Variants in MTHFD1L observed in about 807,000 individuals in gnomAD.
MTHFD1L encodes methylenetetrahydrofolate dehydrogenase (NADP+ dependent) 1 like, also known as monofunctional C1-tetrahydrofolate synthase, mitochondrial.
In MTHFD1L, 81 loss-of-function variants were observed where a neutral mutation model predicts 119.5. That is an observed-to-expected ratio of 0.68 (90% CI 0.57 to 0.82). MTHFD1L has a LOEUF of 0.82. MTHFD1L is among the 40% of genes least tolerant of loss of function. MTHFD1L has a pLI of 0.00. For missense variants in MTHFD1L, 1,125 were observed against 1,253.4 expected (o/e 0.90, Z 1.55); for synonymous variants, 430 against 475.2 (o/e 0.90, Z 1.24).
At chr6:151,030,351 A>T (rs1348634599) in intron 24 of MTHFD1L, among the ~76,000 whole-genome samples, 1 of 152,216 alleles carries the variant, frequency 6.6e-6, no homozygotes, top group African/African-American at 2.4e-5. Flanking sequence ...CAACAGGAAC[A>T]TTGCCTGCTT....
At chr6:150,889,117 C>T (rs1355966336) in intron 7 of MTHFD1L, among the ~76,000 whole-genome samples, 1 of 151,490 alleles carries the variant, frequency 6.6e-6, no homozygotes, top group Non-Finnish European at 1.5e-5. Context: ...GCAGGGGTTG[C>T]AGTGAGCCGC....
intron 26 of MTHFD1L, among the ~76,000 whole-genome samples, chr6:151,085,973 T>A (rs1238079203): frequency 6.6e-6 from 1 of 152,072 alleles, no homozygotes; most frequent in African/African-American, 2.4e-5. Flanking sequence ...GTCCTTGTAG[T>A]AAGCTCTTAG....
At position 150,877,810 on chromosome 6, in the gene MTHFD1L, A is replaced by T. The variant is rs775229331; in HGVS notation, c.401A>T (p.Asp134Val). 1.9e-6 allele frequency: 3 copies of T among 1,614,102 alleles called. No homozygotes were observed. Among genetic ancestry groups the T allele is most frequent in the Admixed American group, 1.7e-5 (1 of 60,000 alleles). The change falls in exon 4 of 28, where the codon GAT (aspartate) becomes GTT (valine). Residue 134 changes from aspartate to valine, a missense_variant. Physicochemically the swap from Asp to Val is radical, Grantham distance 152 (BLOSUM62 -3). Transcript: ENST00000367321. ...ATCACTCACATTTGCCTCCCTCCAG[A>T]TAGCAGTGAAGCCGAGGTAATAATG... Reference protein sequence around the residue: ...LNITHICLPPDSSEAEIIDEI... With the variant: ...LNITHICLPPVSSEAEIIDEI...
At chr6:150,939,525 C>T (rs1168461063) in intron 13 of MTHFD1L, among the ~76,000 whole-genome samples, 1 of 152,026 alleles carries the variant, frequency 6.6e-6, no homozygotes, top group Non-Finnish European at 1.5e-5. Flanking sequence ...TCTTCCAAAA[C>T]CCAAATCTGA....
intron 1 of MTHFD1L, among the ~76,000 whole-genome samples, chr6:150,875,028 G>A (rs565168300): frequency 2.0e-5 from 3 of 151,448 alleles, no homozygotes; most frequent in Non-Finnish European, 2.9e-5. Flanking sequence ...GATTACAGGC[G>A]TGAGCCACCG....
chr6:150,991,670 C>T (rs1779084989), intron 20 of MTHFD1L, among the ~76,000 whole-genome samples: 1 of 152,176 alleles, frequency 6.6e-6, no homozygotes, highest in Admixed American at 6.5e-5. Context: ...GTGACTGTAG[C>T]TGACAAGTGT....
At chr6:150,884,432 G>A (rs1342983533) in intron 5 of MTHFD1L, among the ~76,000 whole-genome samples, 3 of 151,930 alleles carry the variant, frequency 2.0e-5, no homozygotes, top group Admixed American at 1.3e-4. Flanking sequence ...GAGCCACCGC[G>A]CCTGGCCCCT....
intron 20 of MTHFD1L, among the ~76,000 whole-genome samples, chr6:150,999,822 C>T (rs1424930388): frequency 2.0e-5 from 3 of 152,268 alleles, no homozygotes; most frequent in East Asian, 3.9e-4. Context: ...CACAAAAGCA[C>T]GTCTAAGTGG....
chr6:151,098,941 C>T lies in MTHFD1L; in HGVS notation c.*32-2585C>T, dbSNP rs1227251815. 7.9e-5 allele frequency among the ~76,000 whole-genome samples: 12 copies of T among 152,052 alleles called. No individual in the cohort carries two copies. The East Asian group carries it at 1.9e-3, about 25-fold the overall frequency. ...CTGTAATCCCAGCAATTTGGGAGGC[C>T]GAGGCAGGCGGATCACCTGAGGTCA... On this transcript the variant is annotated intron_variant, in intron 27 of 27. Coordinates refer to ENST00000367321, the MANE Select transcript of MTHFD1L (RefSeq NM_015440.5).
At chr6:150,866,514 C>A (rs1456120302) in intron 1 of MTHFD1L, 1 of 1,289,602 alleles carries the variant, frequency 7.8e-7, no homozygotes, top group Non-Finnish European at 9.8e-7. Context: ...TCGGGAGAGG[C>A]GGGCTCGGGC....
Position 150,959,232 on chromosome 6 carries a change from C to T in MTHFD1L, c.1804-1043C>T, listed in dbSNP as rs1360350915. 4.1e-6 allele frequency: 4 copies of T among 978,752 alleles called. No individual in the cohort carries two copies. In the African/African-American group the frequency reaches 5.3e-5, roughly 13 times the overall value. 60.6% of individuals were successfully genotyped at this position (978,752 alleles called of 1,614,324 possible). A position where few individuals can be genotyped will look rare whatever the true frequency, so the allele number is the denominator to read the frequency against. On this transcript the variant is annotated intron_variant, in intron 17 of 27. Transcript: ENST00000367321. ...AGCCAGAAAGCTCCTTATTTCCTTC[C>T]TTTCCTTACTTGTCAGTGATGGAAA... is the stretch of plus-strand genomic sequence containing the variant.
chr6:150,925,886 C>T lies in MTHFD1L; in HGVS notation c.1083-236C>T, dbSNP rs1345883681. ...CTATGCCATAGGTGTTATACTTCCA[C>T]CTGGACACAATTCTAGGATCTTTGT... On this transcript the variant is annotated intron_variant, in intron 10 of 27. Coordinates refer to ENST00000367321, the MANE Select transcript of MTHFD1L (RefSeq NM_015440.5). 2.0e-5 allele frequency among the ~76,000 whole-genome samples: 3 copies of T among 152,254 alleles called. No homozygotes were observed. In the East Asian group the frequency reaches 5.8e-4, roughly 29 times the overall value.
At chr6:150,936,735 G>A (rs742832) in intron 11 of MTHFD1L, 69 bp from the exon 12 acceptor site, 99,714 of 1,548,306 alleles carry the variant, frequency 0.064, 5,199 homozygotes, top group Admixed American at 0.24. Flanking sequence ...TGATTCTGGT[G>A]TCTTCGGCTG....
At chr6:151,002,040 CACTT>C (rs1402997285) in intron 20 of MTHFD1L, among the ~76,000 whole-genome samples, 2 of 152,196 alleles carry the variant, frequency 1.3e-5, no homozygotes, top group Non-Finnish European at 2.9e-5. Flanking sequence ...AGCCTGGACA[CACTT>C]ACCTCTCAGT....
At chr6:150,995,470 C>T (rs521567) in intron 20 of MTHFD1L, among the ~76,000 whole-genome samples, 53,065 of 146,510 alleles carry the variant, frequency 0.36, 11,174 homozygotes, top group East Asian at 0.57. Context: ...GCTGAGATCA[C>T]GCCATTGCAT....
At chr6:151,076,635 A>G (rs1217353083) in intron 26 of MTHFD1L, among the ~76,000 whole-genome samples, 1 of 146,322 alleles carries the variant, frequency 6.8e-6, no homozygotes, top group Non-Finnish European at 1.5e-5. Flanking sequence ...TGGGTGACAG[A>G]GTGATACTCT....
intron 20 of MTHFD1L, among the ~76,000 whole-genome samples, chr6:151,008,204 A>G (rs951160076): frequency 1.3e-5 from 2 of 152,228 alleles, no homozygotes; most frequent in Admixed American, 6.5e-5. Context: ...CAACTTAACA[A>G]AATTATAAGC....
chr6:150,988,574 A>G (rs1778620845), intron 20 of MTHFD1L, among the ~76,000 whole-genome samples: 1 of 147,410 alleles, frequency 6.8e-6, no homozygotes. Flanking sequence ...TGTGGGGTGT[A>G]GAAAAACAGA....
intron 1 of MTHFD1L, among the ~76,000 whole-genome samples, chr6:150,872,253 A>G (rs1358608115): frequency 6.6e-6 from 1 of 152,126 alleles, no homozygotes; most frequent in Non-Finnish European, 1.5e-5. Flanking sequence ...TTTCCTTTGC[A>G]TTCACAGCTT....
Sources: gnomAD v4.1 joint callset for allele counts (sites outside exome capture counted in the v4.1 genomes callset) on GRCh38, gnomAD v4.1.1 for gene constraint, MANE v1.5 for transcripts, NCBI Gene and HGNC (gene_info 2026-07-23, HGNC 2026-07-21) for gene names.